The following ZFR variants were observed in gnomAD, a reference collection of about 807,000 sequenced individuals.
ZFR encodes zinc finger RNA binding protein, also known as zinc finger RNA-binding protein.
A neutral mutation model predicts 130.7 loss-of-function variants in ZFR; 19 were observed. The observed-to-expected ratio is 0.15, with a 90% confidence interval of 0.10 to 0.21. The LOEUF is 0.21. ZFR is among the 10% of genes least tolerant of loss of function. The probability of loss-of-function intolerance (pLI) is 1.00; values close to 1 mark genes in which losing one functional copy is unlikely to be tolerated. For missense variants in ZFR, 872 were observed against 1,321.5 expected, an observed-to-expected ratio of 0.66 and a Z score of 5.27; for synonymous variants, 466 against 456.9, an observed-to-expected ratio of 1.02 and a Z score of -0.25.
At chr5:32,374,015 C>A (rs1018498385) in intron 17 of ZFR, among the ~76,000 whole-genome samples, 5 of 152,094 alleles carry the variant, frequency 3.3e-5, no homozygotes, top group Admixed American at 1.3e-4. Flanking sequence ...CTGGGTAGGA[C>A]CAATCTGCAG....
intron 2 of ZFR, among the ~76,000 whole-genome samples, chr5:32,441,810 T>C (rs1302665008): frequency 1.3e-5 from 2 of 152,362 alleles, no homozygotes; most frequent in East Asian, 1.9e-4. Flanking sequence ...ACTATGTTTA[T>C]ATACAAGGCC....
intron 2 of ZFR, among the ~76,000 whole-genome samples, chr5:32,433,475 T>C (rs747243045): frequency 6.6e-6 from 1 of 152,206 alleles, no homozygotes; most frequent in African/African-American, 2.4e-5. Context: ...AGATTTGAAA[T>C]ATATCTCTAA....
chr5:32,395,280 C>T lies in ZFR; in HGVS notation c.1858G>A (p.Val620Ile). The change falls in exon 11 of 20, where the codon GTA becomes ATA. Residue 620 changes from valine to isoleucine, a missense_variant. By Grantham distance (29) the Val-to-Ile change is conservative. Transcript: ENST00000265069. The part of the protein sequence containing the change: ...YKKKVNPDLQ[V>I]EVKPSIRARK... ...GCTCGAATACTAGGCTTTACTTCTACTTGCAAATCTGGATTTACTTTTTTC... is the reference window on the plus strand; with the variant it reads ...GCTCGAATACTAGGCTTTACTTCTATTTGCAAATCTGGATTTACTTTTTTC... The T allele has an allele frequency of 6.3e-7, 1 of 1,590,130 alleles. No homozygotes were observed.
chr5:32,356,180 A>C (rs926346393), intron 19 of ZFR, among the ~76,000 whole-genome samples: 2 of 152,138 alleles, frequency 1.3e-5, no homozygotes, highest in Non-Finnish European at 2.9e-5. Context: ...AAAAAACTTT[A>C]ACACACACAC....
At chr5:32,432,166 CAGAG>C (rs1412240752) in intron 2 of ZFR, among the ~76,000 whole-genome samples, 1 of 151,976 alleles carries the variant, frequency 6.6e-6, no homozygotes, top group Non-Finnish European at 1.5e-5. Context: ...TAATTGTTCG[CAGAG>C]ATGCTGGTCT....
intron 10 of ZFR, among the ~76,000 whole-genome samples, chr5:32,395,672 C>T (rs1274105323): frequency 2.0e-5 from 3 of 152,210 alleles, no homozygotes; most frequent in East Asian, 3.9e-4. Context: ...GAGAGTAAGA[C>T]CAACCCCTCC....
chr5:32,438,583 G>C, intron 2 of ZFR, among the ~76,000 whole-genome samples: 1 of 152,110 alleles, frequency 6.6e-6, no homozygotes, highest in Non-Finnish European at 1.5e-5. Flanking sequence ...CATAGATCCA[G>C]AAAACTTGCT....
Position 32,355,159 on chromosome 5 carries a change from A to T in ZFR, c.*601T>A, listed in dbSNP as rs1197458133. 1 of 152,236 alleles carries T rather than the reference A, an allele frequency of 6.6e-6. No homozygotes were observed. The highest frequency in any genetic ancestry group is 1.5e-5 in the Non-Finnish European group (1 of 68,042). The allele number at this position is 152,236 out of a possible 1,614,324, so 9.4% of individuals were successfully genotyped here. ...TAATTACACCTTTATATATCACACT[A>T]GAGACAAATGCCACAAGATCTGCAG... On this transcript the variant is annotated 3_prime_UTR_variant, in exon 20 of 20. Coordinates refer to ENST00000265069, the MANE Select transcript of ZFR (RefSeq NM_016107.5).
chr5:32,388,572 A>G lies in ZFR; in HGVS notation c.2245T>C (p.Ser749Pro). 1.2e-6 allele frequency: 2 copies of G among 1,614,076 alleles called. No individual in the cohort carries two copies. Among genetic ancestry groups the G allele is most frequent in the Non-Finnish European group, 1.7e-6 (2 of 1,179,936 alleles). The change falls in exon 13 of 20, where the codon TCT (serine) becomes CCT (proline). Residue 749 changes from serine (S) to proline (P), a missense_variant. Ser to Pro is a moderately conservative substitution (Grantham distance 74). This residue lies in a region of ZFR where 225 missense variants were observed against 282.4 expected (regional missense o/e 0.80). Coordinates refer to ENST00000265069, the MANE Select transcript of ZFR (RefSeq NM_016107.5). The stretch of plus-strand genomic sequence containing the variant: ...AGTTTTAAAGCACGTTCAGTAATAG[A>G]AACAATTTTCTGAACTGCCTGTAAC... ...EELQAVQKIVSITERALKLVS... is the reference protein window; with the variant it reads ...EELQAVQKIVPITERALKLVS...
At chr5:32,416,868 C>T (rs1181548468) in intron 4 of ZFR, among the ~76,000 whole-genome samples, 1 of 151,470 alleles carries the variant, frequency 6.6e-6, no homozygotes, top group Non-Finnish European at 1.5e-5. Flanking sequence ...TCTACCCACA[C>T]CCTCACACCC....
At chr5:32,429,660 G>A (rs1189434293) in intron 2 of ZFR, among the ~76,000 whole-genome samples, 7 of 152,114 alleles carry the variant, frequency 4.6e-5, no homozygotes, top group African/African-American at 1.7e-4. Context: ...AGCCTAACCC[G>A]AAAATACTTA....
At position 32,397,209 on chromosome 5, in the gene ZFR, T is replaced by G; in HGVS notation, c.1833+10A>C. ...GTTTTAAAGAAGGTAATAGCTGAAATTTTACTCACTTTATATTGAAGTCTG... is the reference window on the plus strand; with the variant it reads ...GTTTTAAAGAAGGTAATAGCTGAAAGTTTACTCACTTTATATTGAAGTCTG... On this transcript the variant is annotated intron_variant, in intron 10 of 19. Coordinates refer to ENST00000265069, the MANE Select transcript of ZFR (RefSeq NM_016107.5). The G allele has an allele frequency of 1.3e-6, 2 of 1,584,614 alleles. No homozygotes were observed. Among genetic ancestry groups the G allele is most frequent in the Non-Finnish European group, 1.7e-6 (2 of 1,168,846 alleles).
At chr5:32,432,132 CA>C (rs1279177574) in intron 2 of ZFR, among the ~76,000 whole-genome samples, 1 of 152,016 alleles carries the variant, frequency 6.6e-6, no homozygotes, top group Non-Finnish European at 1.5e-5. Flanking sequence ...GCTGGGACCA[CA>C]GAAACCTGCC....
intron 5 of ZFR, among the ~76,000 whole-genome samples, chr5:32,408,046 G>T (rs771558581): frequency 6.1e-4 from 93 of 152,166 alleles, no homozygotes; most frequent in Admixed American, 1.4e-3. Flanking sequence ...TTCAGTGCAT[G>T]CTTTATTTTT....
chr5:32,358,975 G>C (rs1752372274), intron 19 of ZFR, among the ~76,000 whole-genome samples: 1 of 152,026 alleles, frequency 6.6e-6, no homozygotes, highest in Non-Finnish European at 1.5e-5. Context: ...TTGGGAGGTG[G>C]AGGTGGGAAG....
chr5:32,411,625 G>T (rs1753710221), intron 5 of ZFR, among the ~76,000 whole-genome samples: 1 of 143,886 alleles, frequency 6.9e-6, no homozygotes, highest in Non-Finnish European at 1.5e-5. Context: ...GGAGGCAGAG[G>T]TTGCAGTGAG....
At chr5:32,410,914 C>T (rs1013469545) in intron 5 of ZFR, among the ~76,000 whole-genome samples, 1 of 152,144 alleles carries the variant, frequency 6.6e-6, no homozygotes, top group African/African-American at 2.4e-5. Context: ...ATAACTGTTC[C>T]AGAACTAGAA....
intron 10 of ZFR, 120 bp from the exon 11 acceptor site, chr5:32,395,424 T>TAG: frequency 2.8e-6 from 2 of 702,750 alleles, no homozygotes; most frequent in East Asian, 6.5e-5. Flanking sequence ...AGTTTCCCAC[T>TAG]AGAGAGTAAA....
chr5:32,377,155 GAAAAAAA>G (rs771800535), intron 17 of ZFR, among the ~76,000 whole-genome samples: 2 of 4,366 alleles, frequency 4.6e-4, no homozygotes, highest in Non-Finnish European at 9.8e-4. Context: ...GACTCCATCT[GAAAAAAA>G]AAAAAAAAAA....
Sources: gnomAD v4.1 joint callset for allele counts (sites outside exome capture counted in the v4.1 genomes callset) on GRCh38, gnomAD v4.1.1 for gene constraint, gnomAD v4.1.1 regional missense constraint, MANE v1.5 for transcripts, NCBI Gene and HGNC (gene_info 2026-07-23, HGNC 2026-07-21) for gene names.